Variants in JAKMIP2 observed in about 807,000 individuals in gnomAD.
JAKMIP2 encodes the protein janus kinase and microtubule-interacting protein 2.
Under a neutral mutation model 115.0 loss-of-function variants are expected in JAKMIP2, and 25 were observed. The observed-to-expected ratio is 0.22, with a 90% confidence interval of 0.16 to 0.30. JAKMIP2 has a LOEUF of 0.30. Ranked by LOEUF, JAKMIP2 falls within the 10% of genes least tolerant of loss-of-function variation. The pLI, the probability that JAKMIP2 is intolerant of heterozygous loss-of-function variation, is 1.00. For synonymous variants in JAKMIP2, 334 were observed against 343.6 expected (o/e 0.97, Z 0.31); for missense variants, 642 against 957.6 (o/e 0.67, Z 4.35).
rs181696687 is a variant in JAKMIP2, at chr5:147,618,011, G to A, written c.2246C>T (p.Thr749Met). The A allele has an allele frequency of 5.5e-5, 89 of 1,613,956 alleles. No homozygotes were observed. Among genetic ancestry groups the A allele is most frequent in the South Asian group, 1.4e-4 (13 of 91,070 alleles). Residue 749 changes from threonine (T) to methionine (M), a missense_variant, in exon 19 of 22, where the codon ACG (threonine) becomes ATG (methionine). By Grantham distance (81) the Thr-to-Met change is moderately conservative (BLOSUM62 -1). This residue lies in a region of JAKMIP2 where 68 missense variants were observed against 104.6 expected (regional missense o/e 0.65). Transcript: ENST00000616793. ...TTGCCGCCGTAACTTTTCTACTGCCGTCCTCAGCTCCTCTTGCTGTTTTTC... is the reference window on the plus strand; with the variant it reads ...TTGCCGCCGTAACTTTTCTACTGCCATCCTCAGCTCCTCTTGCTGTTTTTC... ...LSEKQQEELR[T>M]AVEKLRRQML...
intron 1 of JAKMIP2, among the ~76,000 whole-genome samples, chr5:147,717,307 T>TA (rs1193184760): frequency 7.0e-6 from 1 of 143,566 alleles, no homozygotes; most frequent in Non-Finnish European, 1.5e-5. Flanking sequence ...TCTTTTGGCT[T>TA]AGGATTGACT....
intron 21 of JAKMIP2, among the ~76,000 whole-genome samples, chr5:147,593,120 T>C (rs953603060): frequency 1.3e-5 from 2 of 152,182 alleles, no homozygotes; most frequent in African/African-American, 4.8e-5. Context: ...AGCAGAGAAC[T>C]GAAGAGTGAT....
chr5:147,710,947 A>C (rs889603365), intron 1 of JAKMIP2, among the ~76,000 whole-genome samples: 1 of 152,214 alleles, frequency 6.6e-6, no homozygotes, highest in African/African-American at 2.4e-5. Context: ...CAGAGGAATA[A>C]AAATCTTTCT....
chr5:147,655,936 T>G (rs1758652211), intron 3 of JAKMIP2, among the ~76,000 whole-genome samples: 2 of 152,214 alleles, frequency 1.3e-5, no homozygotes, highest in African/African-American at 4.8e-5. Context: ...GATTTCTGCC[T>G]TAATTTTGTT....
intron 1 of JAKMIP2, among the ~76,000 whole-genome samples, chr5:147,701,186 T>C (rs1561546425): frequency 6.6e-6 from 1 of 152,164 alleles, no homozygotes; most frequent in Non-Finnish European, 1.5e-5. Context: ...GAGGGTATCC[T>C]GGGATTAGAC....
intron 1 of JAKMIP2, among the ~76,000 whole-genome samples, chr5:147,782,242 A>G (rs886666875): frequency 6.6e-6 from 1 of 151,992 alleles, no homozygotes; most frequent in African/African-American, 2.4e-5. Context: ...ATAAAATCAG[A>G]ACACCATTTT....
intron 1 of JAKMIP2, among the ~76,000 whole-genome samples, chr5:147,695,450 C>A (rs1297763553): frequency 6.6e-6 from 1 of 152,124 alleles, no homozygotes; most frequent in Admixed American, 6.6e-5. Context: ...TCAGTTCCCA[C>A]ATATCCTGTC....
At chr5:147,633,606 G>A (rs1757469052) in intron 12 of JAKMIP2, among the ~76,000 whole-genome samples, 1 of 151,914 alleles carries the variant, frequency 6.6e-6, no homozygotes. Context: ...AGGACCTCTA[G>A]TATAACTTGA....
intron 1 of JAKMIP2, among the ~76,000 whole-genome samples, chr5:147,672,562 T>TTATC (rs55967451): frequency 0.083 from 12,698 of 152,146 alleles, 666 homozygotes; most frequent in Admixed American, 0.15. Context: ...GGGAAAAAAT[T>TTATC]TATCTATCTA....
At chr5:147,675,782 C>CTTTTTTTTTT (rs1561531706) in intron 1 of JAKMIP2, among the ~76,000 whole-genome samples, 1 of 126,800 alleles carries the variant, frequency 7.9e-6, no homozygotes, top group Non-Finnish European at 1.6e-5. Flanking sequence ...AATCATATGA[C>CTTTTTTTTTT]ATTTTTTTTT....
At position 147,631,419 on chromosome 5, in the gene JAKMIP2, A is replaced by T. The variant is rs1304815730; in HGVS notation, c.1869T>A (p.Gly623=). Residue 623 remains glycine, a synonymous_variant, in exon 14 of 22, where the codon GGT becomes GGA. Coordinates refer to ENST00000616793, the MANE Select transcript of JAKMIP2 (RefSeq NM_001270941.2). ...AAATGAAATATCTGCCTACCTTAAC[A>T]CCTTCTTTCATACAGTAGATCTGTA... The part of the protein sequence containing the change: ...SALQIYCMKE[G]VKDVNIPDLI... The T allele has an allele frequency of 1.3e-6, 2 of 1,589,616 alleles. No homozygotes were observed. The highest frequency in any genetic ancestry group is 1.7e-6 in the Non-Finnish European group (2 of 1,164,372).
intron 1 of JAKMIP2, among the ~76,000 whole-genome samples, chr5:147,712,124 C>A (rs886870940): frequency 7.2e-5 from 11 of 152,170 alleles, no homozygotes; most frequent in Non-Finnish European, 1.6e-4. Context: ...GTTTTCAGAT[C>A]CAAATATCCC....
chr5:147,655,975 T>C (rs1420247846), intron 3 of JAKMIP2, among the ~76,000 whole-genome samples: 1 of 152,328 alleles, frequency 6.6e-6, no homozygotes, highest in East Asian at 1.9e-4. Context: ...CAGGAGCAGG[T>C]TGTTTGATTT....
At chr5:147,643,736 G>GA (rs1290862514) in intron 7 of JAKMIP2, among the ~76,000 whole-genome samples, 1 of 152,138 alleles carries the variant, frequency 6.6e-6, no homozygotes, top group South Asian at 2.1e-4. Flanking sequence ...TGAGCCTCGG[G>GA]ATCCTGCTAC....
intron 1 of JAKMIP2, among the ~76,000 whole-genome samples, chr5:147,674,413 T>G (rs561869935): frequency 1.3e-5 from 2 of 152,186 alleles, no homozygotes; most frequent in Non-Finnish European, 2.9e-5. Flanking sequence ...AATAGGCTTT[T>G]CTAAATGCAG....
chr5:147,628,722 T>G, intron 16 of JAKMIP2, 29 bp downstream of exon 16: 2 of 1,580,392 alleles, frequency 1.3e-6, no homozygotes. Flanking sequence ...GACACCGAGA[T>G]GATTTGAAAT....
intron 1 of JAKMIP2, among the ~76,000 whole-genome samples, chr5:147,753,151 G>A (rs1754620763): frequency 6.6e-6 from 1 of 152,058 alleles, no homozygotes. Context: ...CTCAAAATTA[G>A]ATTTCCGTCT....
intron 1 of JAKMIP2, among the ~76,000 whole-genome samples, chr5:147,765,748 T>C (rs974222316): frequency 3.3e-5 from 5 of 152,140 alleles, no homozygotes; most frequent in Admixed American, 2.0e-4. Context: ...AAAATTCACC[T>C]GTAATTCTAC....
intron 1 of JAKMIP2, among the ~76,000 whole-genome samples, chr5:147,781,656 C>A (rs1755762298): frequency 6.6e-6 from 1 of 152,110 alleles, no homozygotes. Flanking sequence ...AACTAAGGGA[C>A]AATAACCAGA....
Sources: allele counts gnomAD v4.1 joint callset (sites outside exome capture counted in the v4.1 genomes callset), GRCh38; gene constraint gnomAD v4.1.1; regional missense constraint gnomAD v4.1.1; transcripts MANE v1.5; gene names NCBI Gene and HGNC (gene_info 2026-07-23, HGNC 2026-07-21).